Variants in DNAH7 observed in about 807,000 individuals in gnomAD.
DNAH7 encodes dynein axonemal heavy chain 7.
In DNAH7, 397 loss-of-function variants were observed where a neutral mutation model predicts 444.6. That is an observed-to-expected ratio of 0.89 (90% CI 0.82 to 0.97). The LOEUF (loss-of-function observed/expected upper bound fraction) is 0.97, where lower values mean the gene tolerates loss of function less well. Ranked by LOEUF, DNAH7 falls within the 50% of genes least tolerant of loss-of-function variation. The pLI, the probability that DNAH7 is intolerant of heterozygous loss-of-function variation, is 0.00. For synonymous variants in DNAH7, 1,636 were observed against 1,624.4 expected (o/e 1.01, Z -0.17); for missense variants, 4,902 against 4,800.8 (o/e 1.02, Z -0.62).
chr2:195,792,514 C>G (rs757368500), intron 57 of DNAH7, among the ~76,000 whole-genome samples: 4 of 149,736 alleles, frequency 2.7e-5, no homozygotes, highest in African/African-American at 4.9e-5. Flanking sequence ...GAAAATGTGC[C>G]AGATTAAAAG....
At position 195,868,543 on chromosome 2, in the gene DNAH7, G is replaced by C. The variant is rs114501674; in HGVS notation, c.6634-3522C>G. 1.5e-3 allele frequency among the ~76,000 whole-genome samples: 221 copies of C among 150,138 alleles called. 1 individual carries two copies. Among genetic ancestry groups the C allele is most frequent in the African/African-American group, 4.9e-3 (201 of 40,754 alleles). ...TGAATCCTTTGCTCACTTTTAAATTGCATTATTAGTCTTTTATTGTTGAGT... is the reference window on the plus strand; with the variant it reads ...TGAATCCTTTGCTCACTTTTAAATTCCATTATTAGTCTTTTATTGTTGAGT... On this transcript the variant is annotated intron_variant, in intron 40 of 64. Transcript: ENST00000312428.
At chr2:195,837,248 T>C (rs1343152084) in intron 47 of DNAH7, among the ~76,000 whole-genome samples, 1 of 152,192 alleles carries the variant, frequency 6.6e-6, no homozygotes, top group African/African-American at 2.4e-5. Context: ...ATTCTAAAGC[T>C]TGAAATTCTC....
intron 36 of DNAH7, among the ~76,000 whole-genome samples, chr2:195,880,482 C>G (rs2125167599): frequency 6.6e-6 from 1 of 152,102 alleles, no homozygotes; most frequent in South Asian, 2.1e-4. Context: ...GCGCCCGCCA[C>G]CACACCCGGC....
At position 195,824,465 on chromosome 2, in the gene DNAH7, G is replaced by A. The variant is rs534426816; in HGVS notation, c.9101-20C>T. 1 of 1,568,918 alleles carries A rather than the reference G, an allele frequency of 6.4e-7. No individual in the cohort carries two copies. Among genetic ancestry groups the A allele is most frequent in the East Asian group, 2.3e-5 (1 of 44,182 alleles). ...GCAACACTGGAGTAAAATCAGAAAA[G>A]ATTTCATGTTATTTTAAATATTGAC... On this transcript the variant is annotated intron_variant, in intron 48 of 64. Transcript: ENST00000312428.
Position 196,051,237 on chromosome 2 carries a change from T to C in DNAH7, c.91A>G (p.Ser31Gly). ...LPQLSMEKLA[S>G]KEKFKAPARA... Reference sequence around the variant, plus strand: ...GCTGGTGCCTTGAACTTTTCTTTGCTGGCTAATTTCTCCTGTGTGAAAAAT... The same window carrying C: ...GCTGGTGCCTTGAACTTTTCTTTGCCGGCTAATTTCTCCTGTGTGAAAAAT... The change falls in exon 3 of 65, where the codon AGC becomes GGC. Residue 31 changes from serine to glycine, a missense_variant. Physicochemically the swap from Ser to Gly is moderately conservative, Grantham distance 56. Transcript: ENST00000312428. 3.7e-6 allele frequency: 6 copies of C among 1,613,880 alleles called. No individual in the cohort carries two copies. The highest frequency in any genetic ancestry group is 1.7e-4 in the Middle Eastern group (1 of 6,044).
At chr2:196,000,549 C>T (rs896728532) in intron 12 of DNAH7, among the ~76,000 whole-genome samples, 155 bp downstream of exon 12, 2 of 152,170 alleles carry the variant, frequency 1.3e-5, no homozygotes, top group Non-Finnish European at 2.9e-5. Flanking sequence ...TTTGAGAGGC[C>T]ATTTGGAAAA....
intron 53 of DNAH7, among the ~76,000 whole-genome samples, chr2:195,807,481 C>T (rs997026947): frequency 3.3e-5 from 5 of 152,080 alleles, no homozygotes; most frequent in Non-Finnish European, 7.4e-5. Context: ...TTTTAAAAAC[C>T]TACCCACTTA....
At chr2:195,998,419 CA>C (rs2125677476) in intron 12 of DNAH7, among the ~76,000 whole-genome samples, 1 of 152,088 alleles carries the variant, frequency 6.6e-6, no homozygotes, top group Non-Finnish European at 1.5e-5. Flanking sequence ...ACTAAAAATA[CA>C]AAAAATAGCC....
chr2:195,797,381 A>ATGGCTTAT (rs1286396939), intron 55 of DNAH7, among the ~76,000 whole-genome samples: 1 of 152,164 alleles, frequency 6.6e-6, no homozygotes, highest in Non-Finnish European at 1.5e-5. Context: ...CCGAATGCCC[A>ATGGCTTAT]TGGCTTATTG....
At chr2:196,064,115 G>A (rs1195860011) in intron 1 of DNAH7, among the ~76,000 whole-genome samples, 2 of 152,114 alleles carry the variant, frequency 1.3e-5, no homozygotes, top group African/African-American at 2.4e-5. Flanking sequence ...AGGAATTTGA[G>A]ACCAGCCTGG....
Position 195,864,136 on chromosome 2 carries a change from T to C in DNAH7, c.7506+13A>G. On this transcript the variant is annotated intron_variant, in intron 41 of 64. Coordinates refer to ENST00000312428, the MANE Select transcript of DNAH7 (RefSeq NM_018897.3). ...CATTTCTAGAAGTCTATCTAAAATG[T>C]ACATGACAATACCTGAAACCAGTCA... 6.2e-7 allele frequency: 1 copy of C among 1,607,740 alleles called. No homozygotes were observed. Among genetic ancestry groups the C allele is most frequent in the Admixed American group, 1.7e-5 (1 of 59,824 alleles).
At chr2:196,057,493 C>T (rs949731741) in intron 2 of DNAH7, among the ~76,000 whole-genome samples, 1 of 152,048 alleles carries the variant, frequency 6.6e-6, no homozygotes, top group African/African-American at 2.4e-5. Context: ...AAAAAAAATG[C>T]TTTGATTCTA....
In DNAH7 at chr2:195,888,831, G is replaced by C; in HGVS notation, c.5197C>G (p.Pro1733Ala). The change falls in exon 32 of 65, where the codon CCA becomes GCA. Residue 1733 changes from proline to alanine, a missense_variant. Pro to Ala is a conservative substitution (Grantham distance 27). Coordinates refer to ENST00000312428, the MANE Select transcript of DNAH7 (RefSeq NM_018897.3). ...GGGGAAGCAACTTCTAAATCCATTG[G>C]CTCAAAAATTAGATTCATTTGTGGT... ...MSPQMNLIFE[P>A]MDLEVASPAT... The C allele has an allele frequency of 6.2e-7, 1 of 1,612,444 alleles. No homozygotes were observed. Among genetic ancestry groups the C allele is most frequent in the Non-Finnish European group, 8.5e-7 (1 of 1,179,438 alleles).
At chr2:195,779,742 A>G (rs1695283202) in intron 58 of DNAH7, among the ~76,000 whole-genome samples, 1 of 152,064 alleles carries the variant, frequency 6.6e-6, no homozygotes, top group African/African-American at 2.4e-5. Context: ...AGTAGCTGAG[A>G]CTACAGATAT....
At chr2:196,061,445 A>G (rs1388622635) in intron 1 of DNAH7, among the ~76,000 whole-genome samples, 1 of 152,202 alleles carries the variant, frequency 6.6e-6, no homozygotes, top group African/African-American at 2.4e-5. Context: ...TGTTTGATCA[A>G]TAAACTCCCA....
intron 58 of DNAH7, among the ~76,000 whole-genome samples, chr2:195,783,629 C>A (rs1008690572): frequency 6.6e-6 from 1 of 152,204 alleles, no homozygotes; most frequent in Non-Finnish European, 1.5e-5. Flanking sequence ...GTTACACTCA[C>A]AATGACCCCA....
intron 27 of DNAH7, chr2:195,901,494 G>A (rs191533073): frequency 1.3e-5 from 2 of 152,146 alleles, no homozygotes; most frequent in East Asian, 1.9e-4. Context: ...TTTCGTCTAA[G>A]TGTTCAATTT....
At chr2:195,792,394 T>TACAC (rs59046004) in intron 57 of DNAH7, among the ~76,000 whole-genome samples, 15,875 of 117,060 alleles carry the variant, frequency 0.14, 1,060 homozygotes, top group Middle Eastern at 0.28. Context: ...AACCAAAAAA[T>TACAC]ACACACACAC....
chr2:195,964,177 T>G (rs1310880178), intron 17 of DNAH7, among the ~76,000 whole-genome samples: 1 of 152,196 alleles, frequency 6.6e-6, no homozygotes, highest in Non-Finnish European at 1.5e-5. Flanking sequence ...TCTATTTCTG[T>G]GAGGAATCTC....
Sources: allele counts gnomAD v4.1 joint callset (sites outside exome capture counted in the v4.1 genomes callset), GRCh38; gene constraint gnomAD v4.1.1; transcripts MANE v1.5; gene names NCBI Gene and HGNC (gene_info 2026-07-23, HGNC 2026-07-21).